Variants in TMTC1 observed in about 807,000 individuals in gnomAD.
TMTC1 encodes protein O-mannosyl-transferase TMTC1.
In TMTC1, 73 loss-of-function variants were observed where a neutral mutation model predicts 104.8. The ratio of observed to expected loss-of-function variants is 0.70; its 90% confidence interval spans 0.58 to 0.85. The LOEUF (loss-of-function observed/expected upper bound fraction) is 0.85, where lower values mean the gene tolerates loss of function less well. TMTC1 is among the 40% of genes least tolerant of loss of function. The pLI is 0.00. For synonymous variants in TMTC1, 434 were observed against 428.7 expected, an observed-to-expected ratio of 1.01 and a Z score of -0.15; for missense variants, 1,035 against 1,096.1, an observed-to-expected ratio of 0.94 and a Z score of 0.79.
At chr12:29,685,484 C>T (rs1243084304) in intron 5 of TMTC1, among the ~76,000 whole-genome samples, 2 of 151,796 alleles carry the variant, frequency 1.3e-5, no homozygotes, top group African/African-American at 4.8e-5. Context: ...CCAAAATTAA[C>T]CTTAGCTTAA....
At chr12:29,710,284 T>C (rs1392057904) in intron 5 of TMTC1, among the ~76,000 whole-genome samples, 2 of 152,074 alleles carry the variant, frequency 1.3e-5, no homozygotes, top group African/African-American at 4.8e-5. Context: ...ACACAGCAGA[T>C]CTTTTGTAAG....
chr12:29,563,531 T>C (rs1945431950), intron 9 of TMTC1, among the ~76,000 whole-genome samples: 1 of 152,120 alleles, frequency 6.6e-6, no homozygotes, highest in African/African-American at 2.4e-5. Context: ...GAACTGGGTA[T>C]TACTCCTGAT....
chr12:29,779,225 C>T (rs1221956903), intron 1 of TMTC1, among the ~76,000 whole-genome samples: 1 of 152,216 alleles, frequency 6.6e-6, no homozygotes, highest in Admixed American at 6.5e-5. Context: ...GCAACAAAAC[C>T]TATGCCAACA....
intron 6 of TMTC1, among the ~76,000 whole-genome samples, chr12:29,625,381 CT>C (rs1446028536): frequency 1.3e-5 from 2 of 152,180 alleles, no homozygotes; most frequent in Non-Finnish European, 2.9e-5. Flanking sequence ...TCCTATCTCC[CT>C]TCTGGTGTGT....
intron 11 of TMTC1, among the ~76,000 whole-genome samples, chr12:29,531,240 A>G (rs1459529900): frequency 6.6e-6 from 1 of 152,146 alleles, no homozygotes; most frequent in Admixed American, 6.5e-5. Context: ...GTCTTCGTCC[A>G]AGTTGACTTA....
chr12:29,571,746 T>A (rs889545752), intron 9 of TMTC1, among the ~76,000 whole-genome samples: 1 of 152,188 alleles, frequency 6.6e-6, no homozygotes, highest in African/African-American at 2.4e-5. Context: ...GGGCTTTCTA[T>A]ATGCATACCA....
chr12:29,691,443 T>C lies in TMTC1; in HGVS notation c.939-58107A>G, dbSNP rs547125065. On this transcript the variant is annotated intron_variant, in intron 5 of 17. Coordinates refer to ENST00000539277, the MANE Select transcript of TMTC1 (RefSeq NM_001193451.2). ...CCAAAAGGGAGACTGATTTGAATAA[T>C]AATAAAACTGGTTTCCCACACAGCT... Among the ~76,000 whole-genome samples the C allele has an allele frequency of 6.0e-5, 9 of 149,492 alleles. No individual in the cohort carries two copies. The East Asian group carries it at 1.9e-3, about 31-fold the overall frequency.
chr12:29,707,194 A>C (rs1941770164), intron 5 of TMTC1, among the ~76,000 whole-genome samples: 1 of 152,126 alleles, frequency 6.6e-6, no homozygotes, highest in African/African-American at 2.4e-5. Context: ...ACCATGCTGG[A>C]GGGCTCACTC....
chr12:29,709,287 T>A (rs1941835647), intron 5 of TMTC1, among the ~76,000 whole-genome samples: 2 of 152,172 alleles, frequency 1.3e-5, no homozygotes, highest in Admixed American at 1.3e-4. Flanking sequence ...CTAATGGCAT[T>A]TGGCTTCTCA....
intron 5 of TMTC1, among the ~76,000 whole-genome samples, chr12:29,652,229 T>G (rs1939554782): frequency 6.6e-6 from 1 of 152,164 alleles, no homozygotes; most frequent in Non-Finnish European, 1.5e-5. Flanking sequence ...CATGAGAATG[T>G]AAGGTTCTAG....
chr12:29,783,276 G>A lies in TMTC1; in HGVS notation c.302+174C>T, dbSNP rs905581824. On this transcript the variant is annotated intron_variant, in intron 1 of 17. Coordinates refer to ENST00000539277, the MANE Select transcript of TMTC1 (RefSeq NM_001193451.2). This position sits in a 1 kb window ranked among gnomAD's most constrained non-coding sequence, Gnocchi z 4.7. ...ACCGCCCCGAGAGCCCAGATTAGCC[G>A]GGCAGTGGATCCCGGAGCAAAGTGC... 6.6e-6 allele frequency among the ~76,000 whole-genome samples: 1 copy of A among 152,148 alleles called. No individual in the cohort carries two copies. Among genetic ancestry groups the A allele is most frequent in the Non-Finnish European group, 1.5e-5 (1 of 68,018 alleles).
chr12:29,668,864 G>A (rs1418897881), intron 5 of TMTC1, among the ~76,000 whole-genome samples: 1 of 152,252 alleles, frequency 6.6e-6, no homozygotes, highest in African/African-American at 2.4e-5. Context: ...GAAGTTAACA[G>A]TGCACAATTT....
At chr12:29,753,958 C>T (rs1281174051) in intron 4 of TMTC1, among the ~76,000 whole-genome samples, 2 of 152,176 alleles carry the variant, frequency 1.3e-5, no homozygotes, top group African/African-American at 4.8e-5. Context: ...TGTCCGACTC[C>T]CTGGTTCAAG....
At chr12:29,673,755 T>G (rs1940610765) in intron 5 of TMTC1, among the ~76,000 whole-genome samples, 1 of 139,364 alleles carries the variant, frequency 7.2e-6, no homozygotes, top group African/African-American at 2.8e-5. Flanking sequence ...TTTTTTTTTT[T>G]TTTTTTTTTT....
At chr12:29,631,872 T>G (rs760659593) in intron 6 of TMTC1, among the ~76,000 whole-genome samples, 3 of 152,212 alleles carry the variant, frequency 2.0e-5, no homozygotes, top group Non-Finnish European at 4.4e-5. Context: ...CATGGCTTTG[T>G]GATCAGCCAA....
At chr12:29,778,372 G>T (rs1237007454) in intron 1 of TMTC1, among the ~76,000 whole-genome samples, 3 of 152,178 alleles carry the variant, frequency 2.0e-5, no homozygotes, top group African/African-American at 7.2e-5. Flanking sequence ...CCCAAGAGAA[G>T]GGTTGGGATA....
At chr12:29,529,182 A>T (rs561747250) in intron 11 of TMTC1, among the ~76,000 whole-genome samples, 2 of 152,292 alleles carry the variant, frequency 1.3e-5, no homozygotes, top group East Asian at 3.9e-4. Flanking sequence ...AATGACAGGG[A>T]AAAGGCAAAT....
intron 5 of TMTC1, among the ~76,000 whole-genome samples, chr12:29,710,828 T>A (rs1210428922): frequency 2.2e-5 from 3 of 136,676 alleles, no homozygotes; most frequent in African/African-American, 8.2e-5. Context: ...AATGTTTATA[T>A]AATATAAATA....
At chr12:29,759,628 A>G (rs1330364777) in intron 2 of TMTC1, among the ~76,000 whole-genome samples, 2 of 152,234 alleles carry the variant, frequency 1.3e-5, no homozygotes, top group Non-Finnish European at 2.9e-5. Context: ...ATAAAACCTC[A>G]GTAGCAAAGG....
Sources: allele counts gnomAD v4.1 joint callset (sites outside exome capture counted in the v4.1 genomes callset), GRCh38; gene constraint gnomAD v4.1.1; non-coding constraint Gnocchi (gnomAD v3.1); transcripts MANE v1.5; gene names NCBI Gene and HGNC (gene_info 2026-07-23, HGNC 2026-07-21).